Variants in AFF2 observed in about 807,000 individuals in gnomAD.
AFF2 encodes ALF transcription elongation factor 2.
In AFF2, 14 loss-of-function variants were observed where a neutral mutation model predicts 76.9. That is an observed-to-expected ratio of 0.18 (90% CI 0.12 to 0.28). AFF2 has a LOEUF of 0.28. Among genes scored for constraint, AFF2 ranks in the 10% least tolerant of loss-of-function variants. The pLI, the probability that AFF2 is intolerant of heterozygous loss-of-function variation, is 1.00. For missense variants in AFF2, 868 were observed against 1,001.1 expected (o/e 0.87, Z 1.79); for synonymous variants, 398 against 366.7 (o/e 1.09, Z -0.98).
chrX:148,944,450 G>A (rs897926981), intron 9 of AFF2, among the ~76,000 whole-genome samples: 6 of 111,255 alleles, frequency 5.4e-5, no homozygotes, highest in Admixed American at 1.9e-4. Context: ...GAGCTCACGG[G>A]AGTCAGTGTT....
At chrX:148,915,826 C>T (rs1443614702) in intron 9 of AFF2, among the ~76,000 whole-genome samples, 2 of 112,406 alleles carry the variant, frequency 1.8e-5, no homozygotes, top group Non-Finnish European at 3.8e-5. Context: ...TATACACTCT[C>T]TACATACACA....
intron 1 of AFF2, among the ~76,000 whole-genome samples, chrX:148,604,130 G>A (rs555806048): frequency 1.8e-5 from 2 of 111,160 alleles, no homozygotes; most frequent in Admixed American, 1.9e-4. Flanking sequence ...TTATGTGTTG[G>A]ATTATAGTTT....
intron 3 of AFF2, among the ~76,000 whole-genome samples, chrX:148,715,249 T>C (rs1200573181): frequency 2.7e-5 from 3 of 111,694 alleles, no homozygotes; most frequent in African/African-American, 9.8e-5. Context: ...TATAAAAATG[T>C]AGGCATGTTC....
chrX:148,670,074 C>T (rs1270695006), intron 3 of AFF2, among the ~76,000 whole-genome samples: 4 of 111,876 alleles, frequency 3.6e-5, no homozygotes, highest in African/African-American at 1.3e-4. Context: ...CTAACTTTCT[C>T]TTCATATTTC....
At chrX:148,943,532 A>G (rs2071865405) in intron 9 of AFF2, among the ~76,000 whole-genome samples, 1 of 112,241 alleles carries the variant, frequency 8.9e-6, no homozygotes, top group African/African-American at 3.2e-5. Flanking sequence ...AGCCTAGTGA[A>G]TAGGTATCCT....
intron 3 of AFF2, among the ~76,000 whole-genome samples, chrX:148,806,555 T>A (rs1191339662): frequency 8.9e-6 from 1 of 111,986 alleles, no homozygotes; most frequent in Non-Finnish European, 1.9e-5. Context: ...GCATGGAGTC[T>A]TGAAGGCAGA....
intron 1 of AFF2, among the ~76,000 whole-genome samples, chrX:148,552,803 C>G (rs2053010297): frequency 8.9e-6 from 1 of 112,179 alleles, no homozygotes; most frequent in Admixed American, 9.4e-5. Context: ...TTAGATTTTT[C>G]TCTAACATGT....
chrX:148,551,704 C>T (rs1454815582), intron 1 of AFF2, among the ~76,000 whole-genome samples: 2 of 111,073 alleles, frequency 1.8e-5, no homozygotes, highest in African/African-American at 6.6e-5. Context: ...TGGGGTGTTC[C>T]AACCCTGCAT....
chrX:148,613,317 A>T (rs1168160281), intron 1 of AFF2, among the ~76,000 whole-genome samples: 1 of 111,873 alleles, frequency 8.9e-6, no homozygotes, highest in Admixed American at 9.4e-5. Context: ...ATGCACTTGG[A>T]TGCAGAATTT....
intron 4 of AFF2, among the ~76,000 whole-genome samples, chrX:148,832,931 A>C (rs995701478): frequency 1.8e-5 from 2 of 111,959 alleles, no homozygotes; most frequent in Non-Finnish European, 1.9e-5. Context: ...TATGTGAACT[A>C]TCATCATCAT....
intron 3 of AFF2, among the ~76,000 whole-genome samples, chrX:148,664,778 A>G (rs1018864114): frequency 4.4e-5 from 5 of 112,469 alleles, no homozygotes; most frequent in African/African-American, 1.6e-4. Flanking sequence ...CTAAGCCACA[A>G]TGTTAATCAA....
In AFF2 at chrX:148,689,437, T is replaced by C. The variant is rs968784686; in HGVS notation, c.1041+26669T>C. On this transcript the variant is annotated intron_variant, in intron 3 of 20. Coordinates refer to ENST00000370460, the MANE Select transcript of AFF2 (RefSeq NM_002025.4). ...TCCTGAAGGCCTGTCTTACGAGATA[T>C]GAATAGAAATGTTTGGAGTGGGATT... Among the ~76,000 whole-genome samples, 3 of 110,837 alleles carry C rather than the reference T, an allele frequency of 2.7e-5. No individual in the cohort carries two copies. In the East Asian group the frequency reaches 8.6e-4, roughly 32 times the overall value.
In AFF2 at chrX:148,997,900, A is replaced by C. The variant is rs1557293580; in HGVS notation, c.*6568A>C. Reference sequence around the variant, plus strand: ...TGATTCCATCTCAAGACAATTTGTCAAATACTTAATTTTCTTCCTGGATGA... The same window carrying C: ...TGATTCCATCTCAAGACAATTTGTCCAATACTTAATTTTCTTCCTGGATGA... On this transcript the variant is annotated 3_prime_UTR_variant, in exon 21 of 21. Transcript: ENST00000370460. The C allele has an allele frequency of 8.9e-6, 1 of 112,638 alleles. No individual in the cohort carries two copies. The highest frequency in any genetic ancestry group is 1.9e-5 in the Non-Finnish European group (1 of 53,327). The allele number at this position is 112,638 out of a possible 1,213,427, so 9.3% of individuals were successfully genotyped here. A position where few individuals can be genotyped will look rare whatever the true frequency, so the allele number is the denominator to read the frequency against.
At chrX:148,980,045 C>T (rs148943163) in intron 18 of AFF2, among the ~76,000 whole-genome samples, 65 of 111,858 alleles carry the variant, frequency 5.8e-4, no homozygotes, top group African/African-American at 2.0e-3. Flanking sequence ...GAGCCTGATC[C>T]CTGTCCTGTA....
chrX:148,575,666 T>A (rs1557243335), intron 1 of AFF2, among the ~76,000 whole-genome samples: 2 of 110,507 alleles, frequency 1.8e-5, no homozygotes, highest in Non-Finnish European at 3.8e-5. Flanking sequence ...AGCCCAGTAC[T>A]GGTGTAAATC....
chrX:148,973,450 C>T (rs782344604), intron 15 of AFF2, 21 bp from the exon 16 acceptor site: 10 of 1,207,622 alleles, frequency 8.3e-6, no homozygotes, highest in African/African-American at 3.5e-5. Flanking sequence ...ATTATCTTGA[C>T]GAGTCATCTT....
chrX:148,522,768 CTACTT>C (rs1178087471), intron 1 of AFF2, among the ~76,000 whole-genome samples: 1 of 112,262 alleles, frequency 8.9e-6, no homozygotes, highest in African/African-American at 3.2e-5. Flanking sequence ...TGAAAAAAAA[CTACTT>C]TATTAATATA....
At chrX:148,784,384 A>AG (rs1330217597) in intron 3 of AFF2, among the ~76,000 whole-genome samples, 2 of 111,993 alleles carry the variant, frequency 1.8e-5, no homozygotes, top group African/African-American at 6.5e-5. Flanking sequence ...GAAAAGCTGC[A>AG]GGGAGCCATC....
In AFF2 at chrX:148,953,728, G is replaced by T. The variant is rs1557286899; in HGVS notation, c.1546G>T (p.Ala516Ser). The change falls in exon 10 of 21, where the codon GCA (alanine) becomes TCA (serine). Residue 516 changes from alanine (A) to serine (S), a missense_variant. Ala to Ser is a moderately conservative substitution (Grantham distance 99). Transcript: ENST00000370460. ...CGAATCTAATGAGGCACCTCGTGTG[G>T]CAACTCCAGAGGTGAGTGAAGGTGC... ...DSESNEAPRV[A>S]TPEPEPPSTN... 1 of 1,207,839 alleles carries T rather than the reference G, an allele frequency of 8.3e-7. No individual in the cohort carries two copies. Among genetic ancestry groups the T allele is most frequent in the Non-Finnish European group, 1.1e-6 (1 of 893,893 alleles).
Sources: allele counts gnomAD v4.1 joint callset (sites outside exome capture counted in the v4.1 genomes callset), GRCh38; gene constraint gnomAD v4.1.1; transcripts MANE v1.5; gene names NCBI Gene and HGNC (gene_info 2026-07-23, HGNC 2026-07-21).